RTL4: variants seen among roughly 807,000 people sequenced by gnomAD.
RTL4 encodes retrotransposon Gag-like protein 4.
Under a neutral mutation model 5.3 loss-of-function variants are expected in RTL4, and 4 were observed. The observed-to-expected ratio is 0.75, with a 90% CI of 0.37 to 1.72. The LOEUF (loss-of-function observed/expected upper bound fraction) is 1.72. RTL4 is among the 40% of genes most tolerant of loss of function. RTL4 has a pLI of 0.04. For missense variants in RTL4, 260 were observed against 227.1 expected (o/e 1.14, Z -0.93); for synonymous variants, 98 against 87.3 (o/e 1.12, Z -0.68).
At chrX:112,392,155 G>C in the RTL4 span, among the ~76,000 whole-genome samples, 1 of 112,039 alleles carries the variant, frequency 8.9e-6, no homozygotes, top group Non-Finnish European at 1.9e-5. Context: ...TTCCACAACA[G>C]ACGCAGTGGC....
chrX:112,338,969 CCT>C, the RTL4 span, among the ~76,000 whole-genome samples: 1 of 111,517 alleles, frequency 9.0e-6, no homozygotes, highest in Admixed American at 9.6e-5. Context: ...AGCAAATAAA[CCT>C]ATGTACAGAA....
chrX:112,358,280 T>TA, the RTL4 span, among the ~76,000 whole-genome samples: 3 of 108,270 alleles, frequency 2.8e-5, no homozygotes, highest in African/African-American at 1.0e-4. Context: ...TATGCATTTT[T>TA]TTTTTTTTTT....
At chrX:112,387,578 G>T in the RTL4 span, among the ~76,000 whole-genome samples, 1 of 111,128 alleles carries the variant, frequency 9.0e-6, no homozygotes, top group Non-Finnish European at 1.9e-5. Flanking sequence ...ATCAGCCAGT[G>T]GGACAAAAGA....
chrX:112,215,528 A>T, the RTL4 span, among the ~76,000 whole-genome samples: 2 of 112,366 alleles, frequency 1.8e-5, no homozygotes, highest in African/African-American at 6.5e-5. Context: ...GATATTTCAT[A>T]TAAGTGGAGT....
chrX:112,252,640 G>A, the RTL4 span, among the ~76,000 whole-genome samples: 37 of 111,121 alleles, frequency 3.3e-4, no homozygotes, highest in African/African-American at 1.1e-3. Flanking sequence ...TGCCCAAATC[G>A]TCTGGCTATA....
chrX:112,116,562 A>G, the RTL4 span, among the ~76,000 whole-genome samples: 5 of 111,508 alleles, frequency 4.5e-5, no homozygotes, highest in African/African-American at 1.3e-4. Context: ...CCATTTTACA[A>G]ACCTCTAGCT....
At chrX:112,129,815 A>G in the RTL4 span, among the ~76,000 whole-genome samples, 6 of 112,266 alleles carry the variant, frequency 5.3e-5, no homozygotes, top group Admixed American at 5.7e-4. Context: ...AGGGTACAGG[A>G]TAGAAGATCA....
chrX:112,236,159 G>A, the RTL4 span, among the ~76,000 whole-genome samples: 1 of 108,995 alleles, frequency 9.2e-6, no homozygotes, highest in Non-Finnish European at 1.9e-5. Context: ...ACTTATTTTT[G>A]CCTAATTTTG....
At chrX:112,156,959 C>T in the RTL4 span, among the ~76,000 whole-genome samples, 1 of 110,524 alleles carries the variant, frequency 9.0e-6, no homozygotes, top group East Asian at 2.9e-4. Context: ...ATTGATTGCT[C>T]CAATTTAAAT....
chrX:112,417,239 T>C, the RTL4 span, among the ~76,000 whole-genome samples: 1 of 111,551 alleles, frequency 9.0e-6, no homozygotes, highest in Non-Finnish European at 1.9e-5. Flanking sequence ...GATGGACCAG[T>C]ATGAAGAGAG....
the RTL4 span, among the ~76,000 whole-genome samples, chrX:112,434,422 G>A: frequency 9.0e-6 from 1 of 111,619 alleles, no homozygotes; most frequent in African/African-American, 3.3e-5. Context: ...CCTGTTATTG[G>A]TCTATTTAGA....
the RTL4 span, among the ~76,000 whole-genome samples, chrX:112,414,098 A>C: frequency 8.9e-6 from 1 of 111,760 alleles, no homozygotes; most frequent in Admixed American, 9.5e-5. Context: ...AATAATTTGT[A>C]ACAGTTATAT....
chrX:112,353,524 T>C, the RTL4 span, among the ~76,000 whole-genome samples: 1 of 111,106 alleles, frequency 9.0e-6, no homozygotes, highest in Non-Finnish European at 1.9e-5. Context: ...TGAGTTCATG[T>C]CCATTGTAGG....
At chrX:112,114,809 G>T in the RTL4 span, among the ~76,000 whole-genome samples, 1 of 111,409 alleles carries the variant, frequency 9.0e-6, no homozygotes, top group Non-Finnish European at 1.9e-5. Flanking sequence ...GCTTTGCATA[G>T]TTGTGGATTA....
chrX:112,272,469 G>A, the RTL4 span, among the ~76,000 whole-genome samples: 9 of 111,516 alleles, frequency 8.1e-5, no homozygotes, highest in Non-Finnish European at 1.5e-4. Context: ...AATTGCAGAA[G>A]GTACACTTGA....
At chrX:112,306,480 A>G in the RTL4 span, among the ~76,000 whole-genome samples, 1 of 111,676 alleles carries the variant, frequency 9.0e-6, no homozygotes, top group Non-Finnish European at 1.9e-5. Context: ...TGAGAAAACG[A>G]AGCCTTGGAG....
the RTL4 span, among the ~76,000 whole-genome samples, chrX:112,410,044 C>G: frequency 1.8e-5 from 2 of 110,939 alleles, no homozygotes; most frequent in Admixed American, 9.6e-5. Flanking sequence ...AAAGATATTC[C>G]ATGCAAATAG....
chrX:112,117,363 G>A, the RTL4 span, among the ~76,000 whole-genome samples: 1 of 107,464 alleles, frequency 9.3e-6, no homozygotes, highest in Non-Finnish European at 1.9e-5. Flanking sequence ...CTTAAAAATC[G>A]TTATATGGTA....
the RTL4 span, among the ~76,000 whole-genome samples, chrX:112,224,748 T>C: frequency 9.0e-6 from 1 of 111,592 alleles, no homozygotes; most frequent in Admixed American, 9.6e-5. Context: ...ACTGGTCACA[T>C]GAAACAACTA....
Sources: allele counts gnomAD v4.1 joint callset (sites outside exome capture counted in the v4.1 genomes callset), GRCh38; gene constraint gnomAD v4.1.1; transcripts MANE v1.5; gene names NCBI Gene and HGNC (gene_info 2026-07-23, HGNC 2026-07-21).